Variants in GTSE1 observed in about 807,000 individuals in gnomAD.
GTSE1 encodes G2 and S-phase expressed 1.
GTSE1 carries 52 observed loss-of-function variants against 60.5 expected under a neutral mutation model. The ratio of observed to expected loss-of-function variants is 0.86; its 90% confidence interval spans 0.69 to 1.08. The LOEUF is 1.08. GTSE1 is among the 50% of genes least tolerant of loss of function. GTSE1 has a pLI of 0.00. For synonymous variants in GTSE1, 368 were observed against 386.5 expected, an observed-to-expected ratio of 0.95 and a Z score of 0.56; for missense variants, 937 against 961.8, an observed-to-expected ratio of 0.97 and a Z score of 0.34.
chr22:46,325,040 C>G (rs1328765199), intron 8 of GTSE1, among the ~76,000 whole-genome samples: 1 of 152,152 alleles, frequency 6.6e-6, no homozygotes, highest in Admixed American at 6.5e-5. Flanking sequence ...GTAGCTTGAA[C>G]AACAAACATT....
At chr22:46,323,305 T>G in intron 8 of GTSE1, 43 bp downstream of exon 8, 1 of 1,425,962 alleles carries the variant, frequency 7.0e-7, no homozygotes, top group Non-Finnish European at 9.9e-7. Flanking sequence ...TGCTGTAGAA[T>G]GACTCACGCA....
chr22:46,324,558 G>A lies in GTSE1; in HGVS notation c.1505+1296G>A, dbSNP rs909334270. Reference sequence around the variant, plus strand: ...AAGTTTTTGTATTTTTAGTAGAGACGGGGTTTCACCGTGTTAGCCAGGATG... The same window carrying A: ...AAGTTTTTGTATTTTTAGTAGAGACAGGGTTTCACCGTGTTAGCCAGGATG... On this transcript the variant is annotated intron_variant, in intron 8 of 11. Transcript: ENST00000454366. The surrounding 1 kb of genome is among the most constrained non-coding windows in gnomAD (Gnocchi z 5.2). Among the ~76,000 whole-genome samples, 4 of 152,128 alleles carry A rather than the reference G, an allele frequency of 2.6e-5. No homozygotes were observed. The highest frequency in any genetic ancestry group is 4.4e-5 in the Non-Finnish European group (3 of 67,992).
At position 46,329,138 on chromosome 22, in the gene GTSE1, G is replaced by A. The variant is rs1189052311; in HGVS notation, c.1927-220G>A. ...GAGGAAGCGGGAAGCAGGGTGGCAG[G>A]AGCTGGTGGCTGCTGGTGAGCGGGT... is the stretch of plus-strand genomic sequence containing the variant. On this transcript the variant is annotated intron_variant, in intron 10 of 11. Transcript: ENST00000454366. This position sits in a 1 kb window ranked among gnomAD's most constrained non-coding sequence, Gnocchi z 6.4. 4 of 628,952 alleles carry A rather than the reference G, an allele frequency of 6.4e-6. No homozygotes were observed. Among genetic ancestry groups the A allele is most frequent in the Non-Finnish European group, 1.1e-5 (4 of 356,392 alleles). 39.0% of individuals were successfully genotyped at this position (628,952 alleles called of 1,614,324 possible).
chr22:46,316,984 C>G lies in GTSE1; in HGVS notation c.1432+572C>G, dbSNP rs990047045. Among the ~76,000 whole-genome samples, 1 of 150,678 alleles carries G rather than the reference C, an allele frequency of 6.6e-6. No individual in the cohort carries two copies. Among genetic ancestry groups the G allele is most frequent in the Non-Finnish European group, 1.5e-5 (1 of 67,876 alleles). On this transcript the variant is annotated intron_variant, in intron 7 of 11. Coordinates refer to ENST00000454366, the MANE Select transcript of GTSE1 (RefSeq NM_016426.7). This position sits in a 1 kb window ranked among gnomAD's most constrained non-coding sequence, Gnocchi z 5.0. Reference sequence around the variant, plus strand: ...TTTTTTTGTTTTTTGTTTTTTGAGACGGAGTCTCGCTCTGTCACCCAGGGT... The same window carrying G: ...TTTTTTTGTTTTTTGTTTTTTGAGAGGGAGTCTCGCTCTGTCACCCAGGGT...
chr22:46,314,105 C>T lies in GTSE1; in HGVS notation c.1051+92C>T, dbSNP rs900790486. 71 of 1,518,730 alleles carry T rather than the reference C, an allele frequency of 4.7e-5. No individual in the cohort carries two copies. Among genetic ancestry groups the T allele is most frequent in the Non-Finnish European group, 6.1e-5 (67 of 1,105,284 alleles). 94.1% of individuals were successfully genotyped at this position (1,518,730 alleles called of 1,614,324 possible). A position where few individuals can be genotyped will look rare whatever the true frequency, so the allele number is the denominator to read the frequency against. The stretch of plus-strand genomic sequence containing the variant: ...CTTGGAGACTGTTTCTGCAGAACCA[C>T]TTAGGCTTGGCAGGACGTCCCGGAG... On this transcript the variant is annotated intron_variant, in intron 6 of 11. Transcript: ENST00000454366. This position sits in a 1 kb window ranked among gnomAD's most constrained non-coding sequence, Gnocchi z 7.1.
chr22:46,297,462 A>G lies in GTSE1; in HGVS notation c.62A>G (p.Asp21Gly), dbSNP rs781684204. ...SACRAGDVNM[D>G]DPKKEDILLL... ...TGCCGGGCAGGGGACGTGAACATGGATGACCCTAAGAAGGAAGGCAAGTCC... is the reference window on the plus strand; with the variant it reads ...TGCCGGGCAGGGGACGTGAACATGGGTGACCCTAAGAAGGAAGGCAAGTCC... The change falls in exon 2 of 12, where the codon GAT (aspartate) becomes GGT (glycine). Residue 21 changes from aspartate (D) to glycine (G), a missense_variant. Transcript: ENST00000454366. The surrounding 1 kb of genome is among the most constrained non-coding windows in gnomAD (Gnocchi z 4.9). The G allele has an allele frequency of 6.2e-7, 1 of 1,612,856 alleles. No individual in the cohort carries two copies. Among genetic ancestry groups the G allele is most frequent in the Non-Finnish European group, 8.5e-7 (1 of 1,178,844 alleles).
At position 46,313,910 on chromosome 22, in the gene GTSE1, G is replaced by T. The variant is rs747869384; in HGVS notation, c.948G>T (p.Leu316=). 1 of 1,614,198 alleles carries T rather than the reference G, an allele frequency of 6.2e-7. No individual in the cohort carries two copies. Among genetic ancestry groups the T allele is most frequent in the East Asian group, 2.2e-5 (1 of 44,890 alleles). Residue 316 remains leucine, a synonymous_variant, in exon 6 of 12, where the codon CTG becomes CTT. Coordinates refer to ENST00000454366, the MANE Select transcript of GTSE1 (RefSeq NM_016426.7). The surrounding 1 kb of genome is among the most constrained non-coding windows in gnomAD (Gnocchi z 4.4). ...VPNKLGLKKT[L]LKAPGSTSNL... is the part of the protein sequence containing the mutation. ...CCCAGTTGGGGCTGAAGAAGACCCTGTTAAAAGCACCCGGCTCTACCAGCA... is the reference window on the plus strand; with the variant it reads ...CCCAGTTGGGGCTGAAGAAGACCCTTTTAAAAGCACCCGGCTCTACCAGCA...
In GTSE1 at chr22:46,329,511, A is replaced by G; in HGVS notation, c.2080A>G (p.Thr694Ala). ...SESRPLIDLM[T>A]NTPDMNKNVA... The stretch of plus-strand genomic sequence containing the variant: ...AAGCAGGCCTCTGATCGACCTCATG[A>G]CAAACACTCCAGACATGAATAAAAA... Residue 694 changes from threonine to alanine, a missense_variant, in exon 11 of 12, where the codon ACA becomes GCA. Physicochemically the swap from Thr to Ala is moderately conservative, Grantham distance 58. Coordinates refer to ENST00000454366, the MANE Select transcript of GTSE1 (RefSeq NM_016426.7). This position sits in a 1 kb window ranked among gnomAD's most constrained non-coding sequence, Gnocchi z 6.4. The G allele has an allele frequency of 6.2e-7, 1 of 1,614,180 alleles. No individual in the cohort carries two copies. Among genetic ancestry groups the G allele is most frequent in the Non-Finnish European group, 8.5e-7 (1 of 1,180,026 alleles).
intron 4 of GTSE1, 79 bp from the exon 5 acceptor site, chr22:46,312,062 C>T (rs1478031790): frequency 1.3e-5 from 16 of 1,232,458 alleles, no homozygotes; most frequent in Admixed American, 2.1e-5. Flanking sequence ...GGCCTAGGCT[C>T]GCTCTGAATG....
rs2077796049 is a variant in GTSE1 at position 46,318,885 on chromosome 22, T to C, written c.1432+2473T>C. Reference sequence around the variant, plus strand: ...TGAGCTTCTCATCCTCATGGTCTAGTGTGGCTGCACCGGCTCTGGCCCTCA... The same window carrying C: ...TGAGCTTCTCATCCTCATGGTCTAGCGTGGCTGCACCGGCTCTGGCCCTCA... On this transcript the variant is annotated intron_variant, in intron 7 of 11. Coordinates refer to ENST00000454366, the MANE Select transcript of GTSE1 (RefSeq NM_016426.7). The surrounding 1 kb of genome is among the most constrained non-coding windows in gnomAD (Gnocchi z 4.8). 6.6e-6 allele frequency among the ~76,000 whole-genome samples: 1 copy of C among 152,082 alleles called. No homozygotes were observed. The highest frequency in any genetic ancestry group is 1.5e-5 in the Non-Finnish European group (1 of 68,004).
chr22:46,311,858 TG>T (rs926527960), intron 4 of GTSE1, among the ~76,000 whole-genome samples: 51 of 152,362 alleles, frequency 3.3e-4, no homozygotes, highest in African/African-American at 1.2e-3. Context: ...GGATCCTGAC[TG>T]GGGAATGGCT....
rs1473289217 is a variant in GTSE1 at position 46,308,325 on chromosome 22, T to C, written c.144T>C (p.Asn48=). 1.2e-6 allele frequency: 2 copies of C among 1,612,234 alleles called. No homozygotes were observed. The highest frequency in any genetic ancestry group is 1.7e-6 in the Non-Finnish European group (2 of 1,178,584). Reference sequence around the variant, plus strand: ...TCTTTTTTTAAACAAATAGTGCAAATGAAGATGATGAAGTCTTCTTCGGAC... The same window carrying C: ...TCTTTTTTTAAACAAATAGTGCAAACGAAGATGATGAAGTCTTCTTCGGAC... The part of the protein sequence containing the change: ...FDLSLSSSSA[N]EDDEVFFGPF... The change falls in exon 4 of 12, where the codon AAT becomes AAC. Residue 48 remains asparagine (N), a synonymous_variant. Transcript: ENST00000454366.
rs2077725907 is a variant in GTSE1 at position 46,308,179 on chromosome 22, G to A, written c.109G>A (p.Asp37Asn). 6.2e-7 allele frequency: 1 copy of A among 1,613,124 alleles called. No individual in the cohort carries two copies. The highest frequency in any genetic ancestry group is 1.3e-5 in the African/African-American group (1 of 74,870). ...DILLLADEKF[D>N]FDLSLSSSSA... ...TCTTCTTTTGGCCGATGAAAAATTTGACTTCGATCTTTCATTGTCTTCTTC... is the reference window on the plus strand; with the variant it reads ...TCTTCTTTTGGCCGATGAAAAATTTAACTTCGATCTTTCATTGTCTTCTTC... The change falls in exon 3 of 12, where the codon GAC becomes AAC. Residue 37 changes from aspartate (D) to asparagine (N), a missense_variant. Physicochemically the swap from Asp to Asn is conservative, Grantham distance 23 (BLOSUM62 1). Coordinates refer to ENST00000454366, the MANE Select transcript of GTSE1 (RefSeq NM_016426.7).
intron 8 of GTSE1, among the ~76,000 whole-genome samples, chr22:46,325,417 T>G (rs1356422226): frequency 6.6e-6 from 1 of 152,056 alleles, no homozygotes; most frequent in Non-Finnish European, 1.5e-5. Flanking sequence ...AGGATGGTCT[T>G]GATCTCCTGA....
rs1569047117 is a variant in GTSE1 at position 46,324,942 on chromosome 22, ATGG to A, written c.1506-1487_1506-1485del. Among the ~76,000 whole-genome samples, 1 of 152,190 alleles carries A rather than the reference ATGG, an allele frequency of 6.6e-6. No individual in the cohort carries two copies. The highest frequency in any genetic ancestry group is 1.5e-5 in the Non-Finnish European group (1 of 68,026). Reference sequence around the variant, plus strand: ...GGTCTCCCTGGCCTCCCGAGGGGCCATGGTGGTGGGATGTCCTTGACTCATTTT... The same window carrying A: ...GGTCTCCCTGGCCTCCCGAGGGGCCATGGTGGGATGTCCTTGACTCATTTT... On this transcript the variant is annotated intron_variant, in intron 8 of 11. Coordinates refer to ENST00000454366, the MANE Select transcript of GTSE1 (RefSeq NM_016426.7). This position sits in a 1 kb window ranked among gnomAD's most constrained non-coding sequence, Gnocchi z 5.2.
chr22:46,298,334 G>A (rs1046958149), intron 2 of GTSE1, among the ~76,000 whole-genome samples: 1 of 151,642 alleles, frequency 6.6e-6, no homozygotes, highest in East Asian at 1.9e-4. Flanking sequence ...TTGAGACCAA[G>A]TCTCACTCTG....
At position 46,299,257 on chromosome 22, in the gene GTSE1, T is replaced by C. The variant is rs2077675408; in HGVS notation, c.79+1778T>C. 2.0e-5 allele frequency among the ~76,000 whole-genome samples: 3 copies of C among 152,264 alleles called. No homozygotes were observed. The East Asian group carries it at 5.8e-4, about 29-fold the overall frequency. ...AGGCTGATTTCCCCAAGACCTGCTCTGGGACCGCTTTGTGCTTTCGCCCTC... is the reference window on the plus strand; with the variant it reads ...AGGCTGATTTCCCCAAGACCTGCTCCGGGACCGCTTTGTGCTTTCGCCCTC... On this transcript the variant is annotated intron_variant, in intron 2 of 11. Transcript: ENST00000454366.
chr22:46,303,291 G>T (rs9615344), intron 2 of GTSE1, among the ~76,000 whole-genome samples: 2 of 152,198 alleles, frequency 1.3e-5, no homozygotes, highest in South Asian at 4.1e-4. Context: ...TTTGTTTATC[G>T]TTATTTTGCA....
intron 2 of GTSE1, among the ~76,000 whole-genome samples, chr22:46,300,893 T>TG (rs1192820105): frequency 2.0e-5 from 3 of 152,244 alleles, no homozygotes; most frequent in African/African-American, 7.2e-5. Flanking sequence ...GTCACCTACT[T>TG]GCCCTTCCAA....
Sources: gnomAD v4.1 joint callset for allele counts (sites outside exome capture counted in the v4.1 genomes callset) on GRCh38, gnomAD v4.1.1 for gene constraint, Gnocchi (gnomAD v3.1) non-coding constraint, MANE v1.5 for transcripts, NCBI Gene and HGNC (gene_info 2026-07-23, HGNC 2026-07-21) for gene names.